The following TMEM272 variants were observed in gnomAD, a reference collection of about 807,000 sequenced individuals.
The protein encoded by TMEM272 is transmembrane protein 272, also known as long intergenic non-protein coding RNA 282.
A neutral mutation model predicts 3.7 loss-of-function variants in TMEM272; 8 were observed. The ratio of observed to expected loss-of-function variants is 2.17; its 90% CI spans 1.27 to 3.91. The LOEUF is 3.91. TMEM272 is among the 30% of genes most tolerant of loss of function. The pLI, the probability that TMEM272 is intolerant of heterozygous loss-of-function variation, is 0.00. For synonymous variants in TMEM272, 63 were observed against 39.8 expected (o/e 1.58, Z -2.20); for missense variants, 166 against 91.5 (o/e 1.81, Z -3.32).
At chr13:51,918,362 T>C in the TMEM272 span, among the ~76,000 whole-genome samples, 3 of 152,142 alleles carry the variant, frequency 2.0e-5, no homozygotes, top group Non-Finnish European at 4.4e-5. Flanking sequence ...TTTCTCAGTG[T>C]CTGGATATTT....
At chr13:51,886,244 G>A in the TMEM272 span, among the ~76,000 whole-genome samples, 1 of 152,230 alleles carries the variant, frequency 6.6e-6, no homozygotes, top group African/African-American at 2.4e-5. Context: ...AGGTGCTGAA[G>A]GAGAAGTTGG....
chr13:51,859,066 T>A, the TMEM272 span, among the ~76,000 whole-genome samples: 1 of 152,152 alleles, frequency 6.6e-6, no homozygotes, highest in Admixed American at 6.5e-5. Context: ...GAATTTTTAC[T>A]ATTTGACCTG....
chr13:51,928,994 C>A, the TMEM272 span, among the ~76,000 whole-genome samples: 7 of 152,136 alleles, frequency 4.6e-5, no homozygotes, highest in Non-Finnish European at 1.0e-4. Context: ...GTCAGGAGAT[C>A]GAGACCATCC....
chr13:51,909,919 G>T, the TMEM272 span: 2 of 1,600,974 alleles, frequency 1.2e-6, no homozygotes, highest in Non-Finnish European at 1.7e-6. Flanking sequence ...TCACTCACTT[G>T]TTCTTTCCAT....
rs1956034717 is a variant in TMEM272 at position 51,816,956 on chromosome 13, A to G, written c.359T>C (p.Ile120Thr). ...LLSLFLFLWF[I>T]LGNYWVFSVY... ...AGAAAAGACCCAGTAGTTTCCCAGGATGAACCAGAGGAAGAGGAAGAGGCT... is the reference window on the plus strand; with the variant it reads ...AGAAAAGACCCAGTAGTTTCCCAGGGTGAACCAGAGGAAGAGGAAGAGGCT... The change falls in exon 5 of 5, where the codon ATC (isoleucine) becomes ACC (threonine). Residue 120 changes from isoleucine (I) to threonine (T), a missense_variant. Ile to Thr is a moderately conservative substitution (Grantham distance 89, BLOSUM62 -1). Transcript: ENST00000629372. The G allele has an allele frequency of 5.7e-6, 4 of 703,070 alleles. No individual in the cohort carries two copies. The highest frequency in any genetic ancestry group is 2.7e-5 in the East Asian group (1 of 37,286). The allele number at this position is 703,070 out of a possible 1,614,324, so 43.6% of individuals were successfully genotyped here.
the TMEM272 span, among the ~76,000 whole-genome samples, chr13:51,859,581 G>A: frequency 2.0e-5 from 3 of 150,706 alleles, no homozygotes; most frequent in South Asian, 6.3e-4. Context: ...GGAGACATCA[G>A]TTCATGGAGA....
At chr13:51,893,397 G>A in the TMEM272 span, among the ~76,000 whole-genome samples, 3 of 152,194 alleles carry the variant, frequency 2.0e-5, no homozygotes, top group Admixed American at 2.0e-4. Flanking sequence ...TTTCTGTGCT[G>A]AAGTATTGTC....
At chr13:51,917,461 A>ATCT in the TMEM272 span, among the ~76,000 whole-genome samples, 1 of 152,152 alleles carries the variant, frequency 6.6e-6, no homozygotes, top group Non-Finnish European at 1.5e-5. Flanking sequence ...AGGTTCCTGA[A>ATCT]TCTTCCATCT....
rs143083615 is a variant in TMEM272 at position 51,822,623 on chromosome 13, G to A, written c.119-486C>T. On this transcript the variant is annotated intron_variant, in intron 3 of 4. Coordinates refer to ENST00000629372, the MANE Select transcript of TMEM272 (RefSeq NM_001351003.2). ...AGGGGCCAGGTGGCAGGGAGGAGCC[G>A]CTCTTCCTCCCTGTGCAGCAAGCCC... 9.3e-4 allele frequency among the ~76,000 whole-genome samples: 142 copies of A among 152,268 alleles called. 1 individual carries two copies. In the East Asian group the frequency reaches 0.018, roughly 20 times the overall value.
the TMEM272 span, among the ~76,000 whole-genome samples, chr13:51,902,011 G>C: frequency 6.6e-6 from 1 of 152,150 alleles, no homozygotes; most frequent in Non-Finnish European, 1.5e-5. Flanking sequence ...TTATCCACTG[G>C]GGTCAAGCTC....
the TMEM272 span, among the ~76,000 whole-genome samples, chr13:51,869,304 G>A: frequency 6.6e-6 from 1 of 152,098 alleles, no homozygotes; most frequent in Non-Finnish European, 1.5e-5. Flanking sequence ...TCATTGCCCC[G>A]AGGAGGGTGG....
At chr13:51,876,297 C>A in the TMEM272 span, among the ~76,000 whole-genome samples, 1 of 152,234 alleles carries the variant, frequency 6.6e-6, no homozygotes, top group African/African-American at 2.4e-5. Context: ...GTGTGGTCAA[C>A]AGACCACTAT....
At position 51,816,524 on chromosome 13, in the gene TMEM272, A is replaced by C; in HGVS notation, c.*227T>G. 2.1e-6 allele frequency: 1 copy of C among 479,968 alleles called. No homozygotes were observed. The highest frequency in any genetic ancestry group is 3.7e-6 in the Non-Finnish European group (1 of 268,538). 29.7% of individuals were successfully genotyped at this position (479,968 alleles called of 1,614,324 possible). The stretch of plus-strand genomic sequence containing the variant: ...AGAACAAAATTCCCACTCTGAAAAG[A>C]GCAGAAGTGATTTCCCCATGTCTAG... On this transcript the variant is annotated 3_prime_UTR_variant, in exon 5 of 5. Transcript: ENST00000629372.
At chr13:51,900,974 C>T in the TMEM272 span, among the ~76,000 whole-genome samples, 1 of 152,230 alleles carries the variant, frequency 6.6e-6, no homozygotes, top group Non-Finnish European at 1.5e-5. Context: ...GGCATGACTC[C>T]TAATGAGTAC....
the TMEM272 span, among the ~76,000 whole-genome samples, chr13:51,869,491 A>ATTTT: frequency 5.6e-5 from 8 of 142,860 alleles, no homozygotes; most frequent in Non-Finnish European, 9.1e-5. Context: ...CAATTCAGTA[A>ATTTT]TTTTTTTTTT....
In TMEM272 at chr13:51,826,548, G is replaced by A; in HGVS notation, c.118+18C>T. 1.4e-6 allele frequency: 1 copy of A among 702,610 alleles called. No individual in the cohort carries two copies. Among genetic ancestry groups the A allele is most frequent in the Non-Finnish European group, 2.6e-6 (1 of 384,998 alleles). The allele number at this position is 702,610 out of a possible 1,614,324, so 43.5% of individuals were successfully genotyped here. ...CCTGGCTGACCTGTGGCGTCCAGCA[G>A]CTCGGAAGGCAGCTTACCTATGAAG... On this transcript the variant is annotated intron_variant, in intron 3 of 4. Coordinates refer to ENST00000629372, the MANE Select transcript of TMEM272 (RefSeq NM_001351003.2).
the TMEM272 span, among the ~76,000 whole-genome samples, chr13:51,899,059 T>C: frequency 4.3e-4 from 65 of 152,324 alleles, no homozygotes; most frequent in Non-Finnish European, 1.3e-4. Context: ...TTAGTAAGAA[T>C]AATGGTAAGT....
rs746095588 is a variant in TMEM272, at chr13:51,815,608, G to GTTAA, written c.*1139_*1142dup. The GTTAA allele has an allele frequency of 6.6e-6, 1 of 152,254 alleles. No homozygotes were observed. Among genetic ancestry groups the GTTAA allele is most frequent in the Non-Finnish European group, 1.5e-5 (1 of 68,072 alleles). 9.4% of individuals were successfully genotyped at this position (152,254 alleles called of 1,614,324 possible). ...TATGCACGTGGCTGAGAGAAGCACG[G>GTTAA]TTAAGCAGGTGCCACGCACCCCTGG... is the stretch of plus-strand genomic sequence containing the variant. On this transcript the variant is annotated 3_prime_UTR_variant, in exon 5 of 5. Transcript: ENST00000629372.
chr13:51,931,913 G>A, the TMEM272 span, among the ~76,000 whole-genome samples: 1 of 152,046 alleles, frequency 6.6e-6, no homozygotes, highest in Admixed American at 6.5e-5. Context: ...ATATGGGGGA[G>A]AACCTTGAAA....
Sources: allele counts gnomAD v4.1 joint callset (sites outside exome capture counted in the v4.1 genomes callset), GRCh38; gene constraint gnomAD v4.1.1; transcripts MANE v1.5; gene names NCBI Gene and HGNC (gene_info 2026-07-23, HGNC 2026-07-21).